The following MYT1L variants were observed in gnomAD, a reference collection of about 807,000 sequenced individuals.
MYT1L encodes myelin transcription factor 1 like.
A neutral mutation model predicts 126.7 loss-of-function variants in MYT1L; 12 were observed. That is an observed-to-expected ratio of 0.09 (90% CI 0.06 to 0.15). The LOEUF (loss-of-function observed/expected upper bound fraction) is 0.15. Ranked by LOEUF, MYT1L falls within the 10% of genes least tolerant of loss-of-function variation. The pLI is 1.00. For missense variants in MYT1L, 979 were observed against 1,585.2 expected, an observed-to-expected ratio of 0.62 and a Z score of 6.49; for synonymous variants, 541 against 604.2, an observed-to-expected ratio of 0.90 and a Z score of 1.53.
chr2:1,919,332 A>G (rs1198699227), intron 10 of MYT1L, among the ~76,000 whole-genome samples: 1 of 152,180 alleles, frequency 6.6e-6, no homozygotes, highest in Non-Finnish European at 1.5e-5. Flanking sequence ...TTGCAATCTC[A>G]AAAGCAAACA....
chr2:2,140,838 G>A (rs2083869051), intron 3 of MYT1L, among the ~76,000 whole-genome samples: 1 of 152,082 alleles, frequency 6.6e-6, no homozygotes, highest in Non-Finnish European at 1.5e-5. Flanking sequence ...CAAAGTGTTG[G>A]GATTATAGGC....
intron 21 of MYT1L, chr2:1,825,595 T>C (rs1382884685): frequency 1.3e-5 from 2 of 152,222 alleles, no homozygotes; most frequent in Non-Finnish European, 2.9e-5. Flanking sequence ...TGAGATTAAT[T>C]CACATATGGG....
intron 2 of MYT1L, among the ~76,000 whole-genome samples, chr2:2,180,384 C>T (rs2091284296): frequency 6.6e-6 from 1 of 151,236 alleles, no homozygotes; most frequent in Non-Finnish European, 1.5e-5. Context: ...AAACAACAAC[C>T]TGTATCAGGA....
intron 5 of MYT1L, among the ~76,000 whole-genome samples, chr2:1,995,733 C>T (rs554033060): frequency 2.3e-4 from 35 of 152,254 alleles, no homozygotes; most frequent in African/African-American, 8.2e-4. Flanking sequence ...CCGAAATCCC[C>T]GTCCCAGACA....
At chr2:1,840,719 G>A (rs1039562711) in intron 20 of MYT1L, 41 bp downstream of exon 20, 2 of 1,423,076 alleles carry the variant, frequency 1.4e-6, no homozygotes, top group Non-Finnish European at 1.9e-6. Context: ...GTCCCCACAT[G>A]GCAGCCCTGC....
At position 1,878,631 on chromosome 2, in the gene MYT1L, C is replaced by T. The variant is rs371721357; in HGVS notation, c.2711+7908G>A. Among the ~76,000 whole-genome samples the T allele has an allele frequency of 8.5e-5, 13 of 152,252 alleles. No individual in the cohort carries two copies. The East Asian group carries it at 1.5e-3, about 18-fold the overall frequency. On this transcript the variant is annotated intron_variant, in intron 18 of 24. Transcript: ENST00000647738. ...GATCAAGAATGCACTTCCTTAGCCA[C>T]GGCAGCCTCATTCAAGCAGCTTGTG...
intron 21 of MYT1L, among the ~76,000 whole-genome samples, chr2:1,838,181 T>G (rs2041163554): frequency 6.6e-6 from 1 of 152,158 alleles, no homozygotes; most frequent in Non-Finnish European, 1.5e-5. Flanking sequence ...CTCAAAGTGC[T>G]GGGATTACAG....
At chr2:1,871,610 C>G (rs367958831) in intron 18 of MYT1L, among the ~76,000 whole-genome samples, 28 of 152,132 alleles carry the variant, frequency 1.8e-4, no homozygotes, top group Admixed American at 1.4e-3. Context: ...GGGTCTGGAT[C>G]GAGGGTCCCT....
At chr2:2,130,734 A>G (rs1381860823) in intron 3 of MYT1L, among the ~76,000 whole-genome samples, 2 of 152,214 alleles carry the variant, frequency 1.3e-5, no homozygotes, top group Non-Finnish European at 2.9e-5. Context: ...GCTTTGTGTC[A>G]ACATAGATGC....
At chr2:1,802,162 T>TTC (rs1318119347) in intron 22 of MYT1L, among the ~76,000 whole-genome samples, 1 of 152,144 alleles carries the variant, frequency 6.6e-6, no homozygotes, top group East Asian at 1.9e-4. Flanking sequence ...CCTGCTTTTG[T>TTC]TCTCTCTCTC....
chr2:2,126,504 C>A (rs2081712687), intron 3 of MYT1L, among the ~76,000 whole-genome samples: 1 of 152,150 alleles, frequency 6.6e-6, no homozygotes, highest in Admixed American at 6.5e-5. Flanking sequence ...ATCAAGATAA[C>A]CTCAGCCCCT....
At chr2:2,169,916 A>G (rs956697708) in intron 3 of MYT1L, among the ~76,000 whole-genome samples, 4 of 152,204 alleles carry the variant, frequency 2.6e-5, no homozygotes, top group African/African-American at 9.7e-5. Flanking sequence ...CACAGTTTTC[A>G]GGATGATATT....
intron 2 of MYT1L, among the ~76,000 whole-genome samples, chr2:2,279,561 G>GAAGGAAGGAAGA (rs2095417183): frequency 1.0e-5 from 1 of 96,120 alleles, no homozygotes; most frequent in African/African-American, 4.5e-5. Flanking sequence ...GAGAAGGAAT[G>GAAGGAAGGAAGA]AATGAATGAA....
intron 3 of MYT1L, among the ~76,000 whole-genome samples, chr2:2,145,779 A>G (rs1355318388): frequency 1.3e-5 from 2 of 152,202 alleles, no homozygotes; most frequent in Admixed American, 1.3e-4. Flanking sequence ...GTTTAATATA[A>G]TGTTTTGACA....
chr2:2,170,013 G>A (rs1282507590), intron 3 of MYT1L, among the ~76,000 whole-genome samples: 1 of 152,180 alleles, frequency 6.6e-6, no homozygotes, highest in African/African-American at 2.4e-5. Context: ...ATTCTGCTCT[G>A]ATTTCCACAG....
intron 3 of MYT1L, among the ~76,000 whole-genome samples, chr2:2,095,970 ACG>A (rs1244067316): frequency 6.6e-6 from 1 of 151,908 alleles, no homozygotes; most frequent in Non-Finnish European, 1.5e-5. Flanking sequence ...GAACGTGGAC[ACG>A]CGTGGGATGT....
chr2:2,160,465 G>A (rs1445014756), intron 3 of MYT1L, among the ~76,000 whole-genome samples: 2 of 152,154 alleles, frequency 1.3e-5, no homozygotes, highest in Non-Finnish European at 2.9e-5. Context: ...TGTAACCTTG[G>A]ATAAATGCTG....
intron 2 of MYT1L, among the ~76,000 whole-genome samples, chr2:2,256,010 G>A (rs1037805112): frequency 7.2e-5 from 11 of 152,176 alleles, no homozygotes; most frequent in Non-Finnish European, 1.3e-4. Context: ...GAGCCATAGC[G>A]GGGTAAAAGG....
At chr2:1,831,039 A>G (rs746289136) in intron 21 of MYT1L, among the ~76,000 whole-genome samples, 4 of 152,170 alleles carry the variant, frequency 2.6e-5, no homozygotes, top group African/African-American at 9.7e-5. Context: ...GTGGTCTCCA[A>G]TTCCCTGTGT....
Sources: allele counts gnomAD v4.1 joint callset (sites outside exome capture counted in the v4.1 genomes callset), GRCh38; gene constraint gnomAD v4.1.1; transcripts MANE v1.5; gene names NCBI Gene and HGNC (gene_info 2026-07-23, HGNC 2026-07-21).